The following MLXIP variants were observed in gnomAD, a reference collection of about 807,000 sequenced individuals.
The protein encoded by MLXIP is MLX interacting protein, also known as MLX-interacting protein.
A neutral mutation model predicts 87.2 loss-of-function variants in MLXIP; 30 were observed. The observed-to-expected ratio is 0.34, with a 90% CI of 0.26 to 0.47. The LOEUF (loss-of-function observed/expected upper bound fraction) is 0.47. Among genes scored for constraint, MLXIP ranks in the 20% least tolerant of loss-of-function variants. MLXIP has a pLI of 1.00. For synonymous variants in MLXIP, 530 were observed against 514.0 expected (o/e 1.03, Z -0.42); for missense variants, 1,002 against 1,240.1 (o/e 0.81, Z 2.88).
chr12:122,138,260 A>G lies in MLXIP; in HGVS notation c.2221A>G (p.Met741Val), dbSNP rs1486028678. The G allele has an allele frequency of 7.4e-6, 12 of 1,613,630 alleles. No homozygotes were observed. The highest frequency in any genetic ancestry group is 1.0e-5 in the Non-Finnish European group (12 of 1,179,774). The change falls in exon 13 of 17, where the codon ATG (methionine) becomes GTG (valine). Residue 741 changes from methionine to valine, a missense_variant. Met to Val is a conservative substitution (Grantham distance 21). Around this residue, in one of 3 missense-constraint regions of MLXIP, gnomAD observed 746 missense variants for 897.0 expected, o/e 0.83. Coordinates refer to ENST00000319080, the MANE Select transcript of MLXIP (RefSeq NM_014938.6). ...RRFNIKMCFD[M>V]LNSLISNNSK... ...CTTCAACATCAAGATGTGCTTCGAC[A>G]TGCTCAACAGCCTCATCTCCAACAA... is the stretch of plus-strand genomic sequence containing the variant.
intron 15 of MLXIP, among the ~76,000 whole-genome samples, chr12:122,139,674 G>A (rs553357824): frequency 4.6e-5 from 7 of 152,212 alleles, no homozygotes; most frequent in African/African-American, 7.2e-5. Flanking sequence ...GTTTTTGTTT[G>A]TTTCTTTTTT....
At chr12:122,118,615 A>C (rs1222272594) in intron 1 of MLXIP, among the ~76,000 whole-genome samples, 2 of 152,178 alleles carry the variant, frequency 1.3e-5, no homozygotes, top group Non-Finnish European at 2.9e-5. Context: ...TGGGAGGCCA[A>C]GGTGGGTGGA....
rs141137646 is a variant in MLXIP at position 122,099,252 on chromosome 12, A to G, written c.413+19986A>G. On this transcript the variant is annotated intron_variant, in intron 1 of 16. Coordinates refer to ENST00000319080, the MANE Select transcript of MLXIP (RefSeq NM_014938.6). ...CAAGGCCATGTCTCCAAAAAAACCA[A>G]AACAAACCAAAACAAAACCCCAAAA... is the stretch of plus-strand genomic sequence containing the variant. Among the ~76,000 whole-genome samples the G allele has an allele frequency of 3.9e-3, 593 of 152,228 alleles. 2 individuals carry two copies. Among genetic ancestry groups the G allele is most frequent in the African/African-American group, 0.013 (549 of 41,456 alleles).
chr12:122,129,807 C>A, intron 5 of MLXIP, 134 bp from the exon 6 acceptor site: 1 of 1,309,670 alleles, frequency 7.6e-7, no homozygotes, highest in East Asian at 2.5e-5. Flanking sequence ...GAGCCGCTCT[C>A]CAAATGCCTC....
rs1714749974 is a variant in MLXIP at position 122,078,784 on chromosome 12, C to CG, written c.-69dup. On this transcript the variant is annotated 5_prime_UTR_variant, in exon 1 of 17. Transcript: ENST00000319080. ...CGGCGCGCGGGCCGGGCCGGGCCGG[C>CG]GCCCCTCTGCCTCGCGCGCTTGTCG... The CG allele has an allele frequency of 9.8e-7, 1 of 1,020,064 alleles. No homozygotes were observed. The highest frequency in any genetic ancestry group is 4.6e-5 in the South Asian group (1 of 21,772). 63.2% of individuals were successfully genotyped at this position (1,020,064 alleles called of 1,614,324 possible).
chr12:122,131,217 A>G (rs1472523262), intron 7 of MLXIP, among the ~76,000 whole-genome samples: 5 of 152,048 alleles, frequency 3.3e-5, no homozygotes, highest in African/African-American at 1.2e-4. Flanking sequence ...GCTCCCTACC[A>G]AGGCCCTGCA....
In MLXIP at chr12:122,135,512, C is replaced by T. The variant is rs778501998; in HGVS notation, c.1878C>T (p.His626=). The T allele has an allele frequency of 1.9e-6, 3 of 1,609,288 alleles. No individual in the cohort carries two copies. In the Admixed American group the frequency reaches 5.1e-5, roughly 27 times the overall value. The part of the protein sequence containing the change: ...IARAPGVPEF[H]SSILVTDLGH... ...AGGCTCCTGGGGTCCCGGAGTTCCA[C>T]AGCAGCATCCTGGTGACAGATCTCG... Residue 626 remains histidine, a synonymous_variant, in exon 11 of 17, where the codon CAC becomes CAT. Coordinates refer to ENST00000319080, the MANE Select transcript of MLXIP (RefSeq NM_014938.6). This position sits in a 1 kb window ranked among gnomAD's most constrained non-coding sequence, Gnocchi z 5.3.
chr12:122,097,848 C>CA (rs201291017), intron 1 of MLXIP, among the ~76,000 whole-genome samples: 2 of 151,492 alleles, frequency 1.3e-5, no homozygotes, highest in African/African-American at 4.9e-5. Flanking sequence ...CCATGGGTTC[C>CA]CCCTCCCCAC....
chr12:122,094,046 G>A, intron 1 of MLXIP, among the ~76,000 whole-genome samples: 1 of 147,968 alleles, frequency 6.8e-6, no homozygotes, highest in South Asian at 2.2e-4. Flanking sequence ...TATCTGTGTG[G>A]TGTGTGTGGT....
chr12:122,098,412 A>G (rs543740287), intron 1 of MLXIP, among the ~76,000 whole-genome samples: 1 of 152,334 alleles, frequency 6.6e-6, no homozygotes, highest in South Asian at 2.1e-4. Context: ...GACGACTGGA[A>G]GATTGACACA....
intron 1 of MLXIP, among the ~76,000 whole-genome samples, chr12:122,098,211 G>A (rs1952385069): frequency 6.6e-6 from 1 of 152,226 alleles, no homozygotes; most frequent in Non-Finnish European, 1.5e-5. Flanking sequence ...AGCGAGCAGG[G>A]CAGGGTGTGG....
Position 122,137,303 on chromosome 12 carries a change from G to A in MLXIP, c.2033-166G>A, listed in dbSNP as rs1333420995. 8.0e-6 allele frequency: 5 copies of A among 628,200 alleles called. No homozygotes were observed. The highest frequency in any genetic ancestry group is 1.3e-5 in the Non-Finnish European group (5 of 397,314). 38.9% of individuals were successfully genotyped at this position (628,200 alleles called of 1,614,324 possible). ...TTGTTATTAATTTAAGATTTTCAGG[G>A]AGTGAATAAGAATAATCTAAGGAAG... On this transcript the variant is annotated intron_variant, in intron 11 of 16. Transcript: ENST00000319080. This position sits in a 1 kb window ranked among gnomAD's most constrained non-coding sequence, Gnocchi z 4.1.
chr12:122,091,865 G>A (rs1055998541), intron 1 of MLXIP, among the ~76,000 whole-genome samples: 5 of 152,280 alleles, frequency 3.3e-5, no homozygotes, highest in African/African-American at 1.2e-4. Flanking sequence ...TGTGAGCCTA[G>A]TGTTATGAGA....
intron 1 of MLXIP, among the ~76,000 whole-genome samples, chr12:122,106,377 A>G (rs1317973261): frequency 8.5e-5 from 13 of 152,076 alleles, no homozygotes; most frequent in African/African-American, 1.9e-4. Flanking sequence ...TGCTCACTCA[A>G]AGGAAGACCT....
rs892630749 is a variant in MLXIP at position 122,142,599 on chromosome 12, C to A, written c.*787C>A. ...AGGGCCTTCTCGGATGTCACCTCACCGCTGTGGCCCTTCTGCCGTTCTTCT... is the reference window on the plus strand; with the variant it reads ...AGGGCCTTCTCGGATGTCACCTCACAGCTGTGGCCCTTCTGCCGTTCTTCT... On this transcript the variant is annotated 3_prime_UTR_variant, in exon 17 of 17. Transcript: ENST00000319080. 2 of 296,512 alleles carry A rather than the reference C, an allele frequency of 6.7e-6. No individual in the cohort carries two copies. Among genetic ancestry groups the A allele is most frequent in the Non-Finnish European group, 1.3e-5 (2 of 150,052 alleles). The allele number at this position is 296,512 out of a possible 1,614,324, so 18.4% of individuals were successfully genotyped here.
At chr12:122,138,035 C>T (rs1476813752) in intron 12 of MLXIP, 159 bp from the exon 13 acceptor site, 6 of 186,942 alleles carry the variant, frequency 3.2e-5, no homozygotes, top group Non-Finnish European at 6.0e-5. Flanking sequence ...CTTGTCCCTC[C>T]GGCTCCTCAT....
intron 1 of MLXIP, among the ~76,000 whole-genome samples, chr12:122,079,803 G>A (rs1468446358): frequency 2.0e-5 from 3 of 152,214 alleles, no homozygotes; most frequent in Non-Finnish European, 4.4e-5. Flanking sequence ...TTATTCCAGT[G>A]CTTGGCCAGA....
intron 7 of MLXIP, among the ~76,000 whole-genome samples, chr12:122,131,237 G>C (rs188795431): frequency 6.6e-6 from 1 of 152,012 alleles, no homozygotes; most frequent in African/African-American, 2.4e-5. Flanking sequence ...AGTTAGATGG[G>C]TCCTTGAGCA....
chr12:122,137,432 C>A lies in MLXIP; in HGVS notation c.2033-37C>A, dbSNP rs112936273. 6.3e-7 allele frequency: 1 copy of A among 1,593,982 alleles called. No individual in the cohort carries two copies. The highest frequency in any genetic ancestry group is 1.1e-5 in the South Asian group (1 of 88,828). On this transcript the variant is annotated intron_variant, in intron 11 of 16. Coordinates refer to ENST00000319080, the MANE Select transcript of MLXIP (RefSeq NM_014938.6). The surrounding 1 kb of genome is among the most constrained non-coding windows in gnomAD (Gnocchi z 4.1). ...CTGCCTCCTGGTGGCGTTGAGGGGCCAGGCCTCCGCCCCTCAGAGGAGTCT... is the reference window on the plus strand; with the variant it reads ...CTGCCTCCTGGTGGCGTTGAGGGGCAAGGCCTCCGCCCCTCAGAGGAGTCT...
Sources: allele counts gnomAD v4.1 joint callset (sites outside exome capture counted in the v4.1 genomes callset), GRCh38; gene constraint gnomAD v4.1.1; regional missense constraint gnomAD v4.1.1; non-coding constraint Gnocchi (gnomAD v3.1); transcripts MANE v1.5; gene names NCBI Gene and HGNC (gene_info 2026-07-23, HGNC 2026-07-21).